FAM110B: variants seen among roughly 807,000 people sequenced by gnomAD.
FAM110B encodes the protein family with sequence similarity 110 member B.
A neutral mutation model predicts 20.4 loss-of-function variants in FAM110B; 6 were observed. The observed-to-expected ratio is 0.29, with a 90% CI of 0.16 to 0.58. The LOEUF is 0.58. Among genes scored for constraint, FAM110B ranks in the 20% least tolerant of loss-of-function variants. The pLI is 0.90. For missense variants in FAM110B, 434 were observed against 498.2 expected (o/e 0.87, Z 1.23); for synonymous variants, 226 against 214.1 (o/e 1.06, Z -0.49).
At chr8:58,114,490 A>G (rs1431561432) in intron 3 of FAM110B, among the ~76,000 whole-genome samples, 1 of 152,132 alleles carries the variant, frequency 6.6e-6, no homozygotes, top group Non-Finnish European at 1.5e-5. Context: ...TAGTTTTGTG[A>G]TCTTGAAATT....
Position 58,087,693 on chromosome 8 carries a change from G to A in FAM110B, c.-325+12070G>A, listed in dbSNP as rs151116850. 2.6e-3 allele frequency among the ~76,000 whole-genome samples: 398 copies of A among 152,284 alleles called. 1 individual carries two copies. Among genetic ancestry groups the A allele is most frequent in the African/African-American group, 9.2e-3 (381 of 41,550 alleles). ...CTGGAGTATTAGTGGTTTCAAGGCTGATGGGGATTGAGATTTGGGTCTCTC... is the reference window on the plus strand; with the variant it reads ...CTGGAGTATTAGTGGTTTCAAGGCTAATGGGGATTGAGATTTGGGTCTCTC... On this transcript the variant is annotated intron_variant, in intron 3 of 3. Coordinates refer to ENST00000519262, the MANE Select transcript of FAM110B (RefSeq NM_001377989.1).
intron 1 of FAM110B, among the ~76,000 whole-genome samples, chr8:57,996,748 G>A (rs1263657390): frequency 6.6e-6 from 1 of 152,174 alleles, no homozygotes; most frequent in Non-Finnish European, 1.5e-5. Flanking sequence ...ATTCCCAATG[G>A]AAAGAACCGT....
intron 3 of FAM110B, among the ~76,000 whole-genome samples, chr8:58,100,188 TC>T (rs1297144632): frequency 1.3e-5 from 2 of 152,050 alleles, no homozygotes; most frequent in East Asian, 3.9e-4. Flanking sequence ...TTAATATATT[TC>T]ACAAACTACT....
chr8:58,017,779 T>A (rs1563498229), intron 1 of FAM110B, among the ~76,000 whole-genome samples: 1 of 152,248 alleles, frequency 6.6e-6, no homozygotes, highest in Non-Finnish European at 1.5e-5. Context: ...TGATATTTCA[T>A]GTGAATGAGT....
chr8:58,083,386 A>G (rs1806251908), intron 3 of FAM110B, among the ~76,000 whole-genome samples: 1 of 152,248 alleles, frequency 6.6e-6, no homozygotes, highest in African/African-American at 2.4e-5. Context: ...AGGAATAATC[A>G]AGGCGTAATT....
At chr8:58,065,358 A>G (rs982903637) in intron 2 of FAM110B, among the ~76,000 whole-genome samples, 1 of 152,178 alleles carries the variant, frequency 6.6e-6, no homozygotes, top group Admixed American at 6.5e-5. Flanking sequence ...ATTTTATAGG[A>G]ATTATTCCAC....
chr8:58,084,031 T>C (rs1806268694), intron 3 of FAM110B, among the ~76,000 whole-genome samples: 1 of 152,164 alleles, frequency 6.6e-6, no homozygotes, highest in African/African-American at 2.4e-5. Context: ...ACCACAGAAC[T>C]GTGTGTATTT....
intron 3 of FAM110B, among the ~76,000 whole-genome samples, chr8:58,079,232 ACC>A (rs963222754): frequency 6.6e-6 from 1 of 152,138 alleles, no homozygotes; most frequent in African/African-American, 2.4e-5. Flanking sequence ...CGACAGTGAG[ACC>A]CACTGTGCCG....
chr8:58,024,718 G>A (rs1363496662), intron 1 of FAM110B, among the ~76,000 whole-genome samples: 1 of 152,070 alleles, frequency 6.6e-6, no homozygotes, highest in Non-Finnish European at 1.5e-5. Flanking sequence ...ATTGTTATTT[G>A]ATTCTCACAG....
chr8:58,146,210 G>A lies in FAM110B; in HGVS notation c.-21G>A. 1 of 1,572,476 alleles carries A rather than the reference G, an allele frequency of 6.4e-7. No individual in the cohort carries two copies. Among genetic ancestry groups the A allele is most frequent in the Non-Finnish European group, 8.6e-7 (1 of 1,156,810 alleles). On this transcript the variant is annotated 5_prime_UTR_variant, in exon 4 of 4. Coordinates refer to ENST00000519262, the MANE Select transcript of FAM110B (RefSeq NM_001377989.1). Reference sequence around the variant, plus strand: ...GCCCAGAAGAGCATCCAACACGGCTGCCGGGGAAAGACCGCCCACCATGCC... The same window carrying A: ...GCCCAGAAGAGCATCCAACACGGCTACCGGGGAAAGACCGCCCACCATGCC...
intron 2 of FAM110B, among the ~76,000 whole-genome samples, chr8:58,041,025 T>A (rs1805207073): frequency 7.3e-6 from 1 of 136,434 alleles, no homozygotes; most frequent in Non-Finnish European, 1.5e-5. Flanking sequence ...CATTGCAACC[T>A]CCGCCTCCAG....
chr8:58,084,748 A>T (rs771101194), intron 3 of FAM110B, among the ~76,000 whole-genome samples: 2 of 150,942 alleles, frequency 1.3e-5, no homozygotes, highest in Admixed American at 6.6e-5. Context: ...TACACCTTAA[A>T]CTCTCCATCC....
chr8:58,122,170 AC>A (rs1807378840), intron 3 of FAM110B, among the ~76,000 whole-genome samples: 1 of 152,130 alleles, frequency 6.6e-6, no homozygotes, highest in South Asian at 2.1e-4. Flanking sequence ...AATTTTGAAG[AC>A]ATTAAATGCT....
chr8:58,101,337 AT>A (rs1233708422), intron 3 of FAM110B, among the ~76,000 whole-genome samples: 4 of 152,224 alleles, frequency 2.6e-5, no homozygotes, highest in Non-Finnish European at 5.9e-5. Context: ...AGTCTTGACC[AT>A]TTGTGTGTTG....
chr8:57,999,518 AT>A (rs59392806), intron 1 of FAM110B, among the ~76,000 whole-genome samples: 3,191 of 149,564 alleles, frequency 0.021, 105 homozygotes, highest in African/African-American at 0.072. Context: ...CTCGCCAGTG[AT>A]TTTTTTTTTG....
chr8:58,094,013 G>A (rs1806554126), intron 3 of FAM110B, among the ~76,000 whole-genome samples: 1 of 152,128 alleles, frequency 6.6e-6, no homozygotes, highest in South Asian at 2.1e-4. Flanking sequence ...TATAGCGATT[G>A]TGAATGGGAG....
chr8:58,119,289 T>C (rs564721123), intron 3 of FAM110B, among the ~76,000 whole-genome samples: 16 of 152,374 alleles, frequency 1.1e-4, no homozygotes, highest in Admixed American at 3.9e-4. Context: ...AAGGCTGGAA[T>C]GTCCAAGTTC....
chr8:58,094,988 G>A (rs1806584767), intron 3 of FAM110B, among the ~76,000 whole-genome samples: 1 of 152,182 alleles, frequency 6.6e-6, no homozygotes, highest in Admixed American at 6.5e-5. Context: ...GAGAGTGTAT[G>A]TGTCCAGAAA....
At chr8:58,044,040 G>A (rs1387807329) in intron 2 of FAM110B, among the ~76,000 whole-genome samples, 3 of 152,202 alleles carry the variant, frequency 2.0e-5, no homozygotes, top group Admixed American at 2.0e-4. Flanking sequence ...CCTTTTATGG[G>A]AGATGTTTGA....
Sources: allele counts gnomAD v4.1 joint callset (sites outside exome capture counted in the v4.1 genomes callset), GRCh38; gene constraint gnomAD v4.1.1; transcripts MANE v1.5; gene names NCBI Gene and HGNC (gene_info 2026-07-23, HGNC 2026-07-21).